Variants in GPC5 observed in about 807,000 individuals in gnomAD.
GPC5 encodes the protein glypican 5.
In GPC5, 47 loss-of-function variants were observed where a neutral mutation model predicts 53.9. The ratio of observed to expected loss-of-function variants is 0.87; its 90% confidence interval spans 0.69 to 1.11. GPC5 has a LOEUF of 1.11. Ranked by LOEUF, GPC5 falls within the 50% of genes most tolerant of loss-of-function variation. The probability of loss-of-function intolerance (pLI) is 0.00; values close to 1 mark genes in which losing one functional copy is unlikely to be tolerated. For synonymous variants in GPC5, 286 were observed against 263.3 expected (o/e 1.09, Z -0.84); for missense variants, 748 against 713.1 (o/e 1.05, Z -0.56).
chr13:91,756,424 T>C lies in GPC5; in HGVS notation c.1280+4T>C. 1 of 1,568,394 alleles carries C rather than the reference T, an allele frequency of 6.4e-7. No homozygotes were observed. Among genetic ancestry groups the C allele is most frequent in the Non-Finnish European group, 8.7e-7 (1 of 1,148,372 alleles). The stretch of plus-strand genomic sequence containing the variant: ...ATGGAGAAGATATAGTAAAAAGGTA[T>C]TTTATGTGGTCTGTGAAAACCTACT... On this transcript the variant is annotated splice_donor_region_variant and intron_variant, in intron 5 of 7. Coordinates refer to ENST00000377067, the MANE Select transcript of GPC5 (RefSeq NM_004466.6).
At chr13:91,669,974 A>G (rs2035206362) in intron 2 of GPC5, among the ~76,000 whole-genome samples, 1 of 152,214 alleles carries the variant, frequency 6.6e-6, no homozygotes, top group South Asian at 2.1e-4. Flanking sequence ...ATCTCAAAAC[A>G]TCGCACATGT....
In GPC5 at chr13:92,819,461, T is replaced by C. The variant is rs1163461788; in HGVS notation, c.1562-46821T>C. 5.3e-5 allele frequency among the ~76,000 whole-genome samples: 8 copies of C among 152,354 alleles called. No homozygotes were observed. In the South Asian group the frequency reaches 1.4e-3, roughly 28 times the overall value. On this transcript the variant is annotated intron_variant, in intron 7 of 7. Coordinates refer to ENST00000377067, the MANE Select transcript of GPC5 (RefSeq NM_004466.6). ...CCCTCATTAATAAAATGAAGCTGTT[T>C]GCTAACTTCACCAAACTGTAATTCC...
intron 2 of GPC5, among the ~76,000 whole-genome samples, chr13:91,546,470 A>G (rs1372463877): frequency 6.6e-6 from 1 of 152,114 alleles, no homozygotes; most frequent in Non-Finnish European, 1.5e-5. Context: ...TTGATAAGCC[A>G]AACAATTCCA....
chr13:91,655,584 A>G (rs571392086), intron 2 of GPC5, among the ~76,000 whole-genome samples: 2 of 152,192 alleles, frequency 1.3e-5, no homozygotes, highest in African/African-American at 4.8e-5. Flanking sequence ...ACCAACAAAT[A>G]TTTTATACTA....
chr13:92,184,796 A>G (rs142468365), intron 7 of GPC5, among the ~76,000 whole-genome samples: 257 of 152,240 alleles, frequency 1.7e-3, no homozygotes, highest in African/African-American at 5.8e-3. Context: ...CTGAAACTCT[A>G]TATCTTTATT....
intron 7 of GPC5, among the ~76,000 whole-genome samples, chr13:92,166,115 A>G (rs2042025717): frequency 6.6e-6 from 1 of 152,236 alleles, no homozygotes; most frequent in Non-Finnish European, 1.5e-5. Context: ...TGGAAAGGGT[A>G]TTTATAAATA....
chr13:92,254,774 A>T (rs1057179033), intron 7 of GPC5, among the ~76,000 whole-genome samples: 2 of 152,270 alleles, frequency 1.3e-5, no homozygotes, highest in South Asian at 4.1e-4. Flanking sequence ...AAAGTCCCTT[A>T]TAAAACCATC....
chr13:91,802,180 G>A (rs2038146745), intron 5 of GPC5, among the ~76,000 whole-genome samples: 2 of 151,710 alleles, frequency 1.3e-5, no homozygotes, highest in African/African-American at 4.8e-5. Flanking sequence ...GAGTGTTACA[G>A]TTCTCAAAGA....
chr13:92,554,909 C>T (rs1480125244), intron 7 of GPC5, among the ~76,000 whole-genome samples: 1 of 149,550 alleles, frequency 6.7e-6, no homozygotes, highest in African/African-American at 2.5e-5. Context: ...ATTTTTTTTA[C>T]CACTTCATAA....
At chr13:92,742,502 T>A (rs1384518578) in intron 7 of GPC5, among the ~76,000 whole-genome samples, 2 of 149,472 alleles carry the variant, frequency 1.3e-5, no homozygotes, top group Non-Finnish European at 3.0e-5. Context: ...GATGAGTAGA[T>A]TGCAAAAATT....
intron 7 of GPC5, among the ~76,000 whole-genome samples, chr13:92,340,213 A>G (rs1462921521): frequency 6.6e-6 from 1 of 152,172 alleles, no homozygotes; most frequent in Non-Finnish European, 1.5e-5. Flanking sequence ...AATGGTAATT[A>G]TGTAGTTTAT....
At chr13:92,611,469 A>G (rs1432417747) in intron 7 of GPC5, among the ~76,000 whole-genome samples, 1 of 152,132 alleles carries the variant, frequency 6.6e-6, no homozygotes, top group Admixed American at 6.5e-5. Context: ...GATAAGCCAT[A>G]TTTAAATTCC....
chr13:91,650,749 A>ATTTTTTTTTTTTTTTTTTT (rs1594380934), intron 2 of GPC5, among the ~76,000 whole-genome samples: 2 of 67,058 alleles, frequency 3.0e-5, no homozygotes, highest in Admixed American at 2.2e-4. Flanking sequence ...AATTCCCATA[A>ATTTTTTTTTTTTTTTTTTT]GTTTTTTTTT....
chr13:91,821,294 G>A (rs2038490830), intron 5 of GPC5, among the ~76,000 whole-genome samples: 1 of 152,130 alleles, frequency 6.6e-6, no homozygotes, highest in African/African-American at 2.4e-5. Context: ...AAATAGGAAT[G>A]CAATTTAATA....
intron 5 of GPC5, among the ~76,000 whole-genome samples, chr13:91,901,620 TTC>T (rs1462697385): frequency 2.6e-5 from 4 of 152,048 alleles, no homozygotes; most frequent in African/African-American, 9.7e-5. Flanking sequence ...AGTCCTTGCT[TTC>T]ACATTTGCTG....
chr13:91,548,850 A>G (rs894475987), intron 2 of GPC5, among the ~76,000 whole-genome samples: 2 of 152,254 alleles, frequency 1.3e-5, no homozygotes, highest in Non-Finnish European at 2.9e-5. Flanking sequence ...ACAAAGGAGC[A>G]AAGATAGTCT....
intron 2 of GPC5, among the ~76,000 whole-genome samples, chr13:91,673,063 C>T (rs1355212681): frequency 6.6e-6 from 1 of 151,858 alleles, no homozygotes; most frequent in Non-Finnish European, 1.5e-5. Context: ...GGGAACAACA[C>T]ACACCAGGGC....
intron 2 of GPC5, among the ~76,000 whole-genome samples, chr13:91,669,424 C>G (rs1374285982): frequency 6.6e-6 from 1 of 152,238 alleles, no homozygotes; most frequent in East Asian, 1.9e-4. Context: ...AAGGGTTGAT[C>G]AGGGGATGGT....
chr13:92,124,790 T>A (rs1371453575), intron 6 of GPC5, among the ~76,000 whole-genome samples: 1 of 152,128 alleles, frequency 6.6e-6, no homozygotes, highest in Non-Finnish European at 1.5e-5. Flanking sequence ...GTCATTTAAG[T>A]ATTTTAAGGA....
Sources: gnomAD v4.1 joint callset for allele counts (sites outside exome capture counted in the v4.1 genomes callset) on GRCh38, gnomAD v4.1.1 for gene constraint, MANE v1.5 for transcripts, NCBI Gene and HGNC (gene_info 2026-07-23, HGNC 2026-07-21) for gene names.